DPYD: variants seen among roughly 807,000 people sequenced by gnomAD.
DPYD encodes the protein dihydropyrimidine dehydrogenase, also known as dihydropyrimidine dehydrogenase [NADP(+)].
DPYD carries 109 observed loss-of-function variants against 116.2 expected under a neutral mutation model. The ratio of observed to expected loss-of-function variants is 0.94; its 90% CI spans 0.80 to 1.10. The LOEUF is 1.10. Ranked by LOEUF, DPYD falls within the 50% of genes least tolerant of loss-of-function variation. The pLI is 0.00. For synonymous variants in DPYD, 440 were observed against 432.0 expected (o/e 1.02, Z -0.23); for missense variants, 1,302 against 1,254.5 (o/e 1.04, Z -0.57).
intron 13 of DPYD, among the ~76,000 whole-genome samples, chr1:97,499,318 T>A (rs191919167): frequency 0.012 from 1,877 of 151,954 alleles, 23 homozygotes; most frequent in Middle Eastern, 0.024. Flanking sequence ...TCAAATGGAA[T>A]GAATATAATT....
chr1:97,513,664 A>G (rs928598357), intron 13 of DPYD, among the ~76,000 whole-genome samples: 3 of 151,820 alleles, frequency 2.0e-5, no homozygotes, highest in Non-Finnish European at 4.4e-5. Context: ...AGTACATGTA[A>G]TATTTTAATA....
intron 14 of DPYD, among the ~76,000 whole-genome samples, chr1:97,397,091 T>C (rs933904779): frequency 6.6e-6 from 1 of 152,086 alleles, no homozygotes; most frequent in African/African-American, 2.4e-5. Context: ...TAATGTAATT[T>C]AGTAAATGTT....
intron 2 of DPYD, among the ~76,000 whole-genome samples, chr1:97,837,068 C>T (rs1327350562): frequency 4.6e-5 from 7 of 152,090 alleles, no homozygotes; most frequent in Non-Finnish European, 1.0e-4. Context: ...AAGATAAAGC[C>T]TTCCAATATC....
chr1:97,395,719 A>T (rs980480880), intron 14 of DPYD, among the ~76,000 whole-genome samples: 3 of 151,962 alleles, frequency 2.0e-5, no homozygotes, highest in Non-Finnish European at 2.9e-5. Flanking sequence ...TGATTTTGTG[A>T]CTTGTTTTAA....
intron 8 of DPYD, among the ~76,000 whole-genome samples, chr1:97,645,650 T>C (rs1436638515): frequency 6.6e-6 from 1 of 152,096 alleles, no homozygotes; most frequent in Non-Finnish European, 1.5e-5. Context: ...CTTAATGATA[T>C]GTTAGGTTTA....
Position 97,640,333 on chromosome 1 carries a change from T to G in DPYD, c.850+38762A>C, listed in dbSNP as rs190319927. ...TTTTATTTTTATTTATTTTTTATTT[T>G]TGACGGAGTCTCTCTCTCAGGCTGG... On this transcript the variant is annotated intron_variant, in intron 8 of 22. Transcript: ENST00000370192. Among the ~76,000 whole-genome samples the G allele has an allele frequency of 6.6e-5, 10 of 152,228 alleles. No homozygotes were observed. The East Asian group carries it at 1.9e-3, about 29-fold the overall frequency.
At chr1:97,663,178 T>C (rs1387645270) in intron 8 of DPYD, among the ~76,000 whole-genome samples, 1 of 152,184 alleles carries the variant, frequency 6.6e-6, no homozygotes, top group African/African-American at 2.4e-5. Flanking sequence ...ACTTCTCATA[T>C]TATTTCCCCA....
At chr1:97,088,202 T>C (rs762392972) in intron 21 of DPYD, among the ~76,000 whole-genome samples, 1 of 152,196 alleles carries the variant, frequency 6.6e-6, no homozygotes, top group Non-Finnish European at 1.5e-5. Flanking sequence ...ATAATATCTA[T>C]TGTTTTCTCT....
At chr1:97,319,731 A>G in intron 16 of DPYD, among the ~76,000 whole-genome samples, 1 of 33,712 alleles carries the variant, frequency 3.0e-5, no homozygotes, top group Non-Finnish European at 6.3e-5. Flanking sequence ...AACTCATTTT[A>G]TGAGGCCAGC....
At chr1:97,367,401 T>A (rs1345060213) in intron 16 of DPYD, among the ~76,000 whole-genome samples, 1 of 152,166 alleles carries the variant, frequency 6.6e-6, no homozygotes, top group Non-Finnish European at 1.5e-5. Context: ...AAAATCAATT[T>A]TAAGGTTTAC....
intron 11 of DPYD, among the ~76,000 whole-genome samples, chr1:97,570,102 C>T (rs1378822363): frequency 6.6e-6 from 1 of 151,814 alleles, no homozygotes; most frequent in African/African-American, 2.4e-5. Context: ...GTGTATAACA[C>T]TAAAAAAGTT....
intron 14 of DPYD, among the ~76,000 whole-genome samples, chr1:97,424,150 T>C (rs980458237): frequency 2.0e-5 from 3 of 152,132 alleles, no homozygotes; most frequent in African/African-American, 2.4e-5. Context: ...AAGCTGTTCA[T>C]AAGTTTAATA....
chr1:97,545,711 T>C, intron 12 of DPYD: 3 of 1,026,760 alleles, frequency 2.9e-6, no homozygotes, highest in Non-Finnish European at 4.4e-6. Flanking sequence ...TGCCAACTAA[T>C]AGTAATGGCC....
At chr1:97,270,292 T>G (rs1215263754) in intron 18 of DPYD, among the ~76,000 whole-genome samples, 4 of 152,222 alleles carry the variant, frequency 2.6e-5, no homozygotes, top group Admixed American at 1.3e-4. Context: ...AGAGGCATCA[T>G]AATATTCCAG....
chr1:97,868,169 T>TA (rs1671482832), intron 2 of DPYD, among the ~76,000 whole-genome samples: 1 of 151,470 alleles, frequency 6.6e-6, no homozygotes, highest in African/African-American at 2.4e-5. Flanking sequence ...TCCAAGGAGT[T>TA]AAACTATTTA....
intron 8 of DPYD, among the ~76,000 whole-genome samples, chr1:97,655,723 C>T (rs1037225430): frequency 2.0e-5 from 3 of 152,096 alleles, no homozygotes; most frequent in Non-Finnish European, 4.4e-5. Context: ...AAGACTCTGC[C>T]TCCACCCCGC....
intron 14 of DPYD, among the ~76,000 whole-genome samples, chr1:97,406,521 T>C (rs951731196): frequency 2.0e-5 from 3 of 151,908 alleles, no homozygotes; most frequent in African/African-American, 7.2e-5. Context: ...TCATCTACAT[T>C]AGGTATTTCT....
At chr1:97,372,077 T>G (rs1006134295) in intron 16 of DPYD, among the ~76,000 whole-genome samples, 4 of 152,152 alleles carry the variant, frequency 2.6e-5, no homozygotes, top group Non-Finnish European at 5.9e-5. Flanking sequence ...AAAAGCCTAC[T>G]CCAAAAAATA....
chr1:97,704,105 A>G (rs1407860978), intron 5 of DPYD, among the ~76,000 whole-genome samples: 1 of 152,078 alleles, frequency 6.6e-6, no homozygotes, highest in Non-Finnish European at 1.5e-5. Context: ...GTGGCCCTCT[A>G]TCCCTTTAAA....
Sources: allele counts gnomAD v4.1 joint callset (sites outside exome capture counted in the v4.1 genomes callset), GRCh38; gene constraint gnomAD v4.1.1; transcripts MANE v1.5; gene names NCBI Gene and HGNC (gene_info 2026-07-23, HGNC 2026-07-21).